The following CIDEA variants were observed in gnomAD, a reference collection of about 807,000 sequenced individuals.
The protein encoded by CIDEA is lipid transferase CIDEA.
CIDEA carries 10 observed loss-of-function variants against 18.2 expected under a neutral mutation model. The observed-to-expected ratio is 0.55, with a 90% CI of 0.34 to 0.93. The LOEUF is 0.93. Ranked by LOEUF, CIDEA falls within the 40% of genes least tolerant of loss-of-function variation. The pLI is 0.02. For synonymous variants in CIDEA, 128 were observed against 124.8 expected (o/e 1.03, Z -0.17); for missense variants, 309 against 293.1 (o/e 1.05, Z -0.40).
At chr18:12,255,931 C>T (rs1226956257) in intron 1 of CIDEA, among the ~76,000 whole-genome samples, 2 of 152,232 alleles carry the variant, frequency 1.3e-5, no homozygotes, top group African/African-American at 2.4e-5. Context: ...CAGCTTGGCT[C>T]ATCCCAGGAG....
chr18:12,258,779 G>T (rs958045743), intron 1 of CIDEA, among the ~76,000 whole-genome samples: 2 of 152,262 alleles, frequency 1.3e-5, no homozygotes, highest in African/African-American at 4.8e-5. Context: ...GAGTGGTAAG[G>T]CAAGGCGCTA....
chr18:12,264,486 T>G lies in CIDEA; in HGVS notation c.330+33T>G, dbSNP rs775341167. The G allele has an allele frequency of 1.9e-6, 3 of 1,582,030 alleles. No homozygotes were observed. The South Asian group carries it at 3.4e-5, about 18-fold the overall frequency. ...AAAACACTGTCACCCAAACAGCTACTGGGTAGACTTTTTACCTACAAATTT... is the reference window on the plus strand; with the variant it reads ...AAAACACTGTCACCCAAACAGCTACGGGGTAGACTTTTTACCTACAAATTT... On this transcript the variant is annotated intron_variant, in intron 3 of 4. Transcript: ENST00000320477.
chr18:12,274,298 C>T (rs146873899), intron 4 of CIDEA, 24 bp downstream of exon 4: 3 of 1,612,232 alleles, frequency 1.9e-6, no homozygotes, highest in Non-Finnish European at 2.5e-6. Context: ...GGGGTCACCT[C>T]CGGGGGTCTG....
At chr18:12,276,990 C>G in intron 4 of CIDEA, 133 bp from the exon 5 acceptor site, 1 of 965,522 alleles carries the variant, frequency 1.0e-6, no homozygotes, top group Non-Finnish European at 1.6e-6. Context: ...GAGAGTCAGA[C>G]AGCCATGCTC....
intron 3 of CIDEA, among the ~76,000 whole-genome samples, chr18:12,269,788 C>A (rs1912461929): frequency 6.6e-6 from 1 of 152,090 alleles, no homozygotes; most frequent in South Asian, 2.1e-4. Context: ...GCCTTCACCT[C>A]CTGGGCTCAA....
intron 3 of CIDEA, among the ~76,000 whole-genome samples, chr18:12,265,351 CGAA>C (rs1217260145): frequency 1.3e-5 from 2 of 152,248 alleles, no homozygotes; most frequent in African/African-American, 4.8e-5. Context: ...GAGAGGAACA[CGAA>C]CACTGAAGCT....
chr18:12,262,945 C>T lies in CIDEA; in HGVS notation c.159C>T (p.Ser53=). 6.2e-7 allele frequency: 1 copy of T among 1,614,150 alleles called. No individual in the cohort carries two copies. The highest frequency in any genetic ancestry group is 1.3e-5 in the African/African-American group (1 of 75,048). The part of the protein sequence containing the change: ...DRSSRRGVMA[S]SLQELISKTL... ...GCAGCCGGCGTGGGGTGATGGCAAG[C>T]AGCCTGCAGGAGCTCATCAGCAAGG... Residue 53 remains serine (S), a synonymous_variant, in exon 2 of 5, where the codon AGC becomes AGT. Transcript: ENST00000320477.
At chr18:12,256,194 C>G (rs747160956) in intron 1 of CIDEA, among the ~76,000 whole-genome samples, 2 of 152,212 alleles carry the variant, frequency 1.3e-5, no homozygotes, top group Non-Finnish European at 2.9e-5. Context: ...CTGCCCCTCT[C>G]TAAAACCCTG....
In CIDEA at chr18:12,270,894, C is replaced by CTTTTTTTT. The variant is rs771335202; in HGVS notation, c.331-3183_331-3176dup. Among the ~76,000 whole-genome samples the CTTTTTTTT allele has an allele frequency of 1.8e-3, 107 of 59,994 alleles. 1 individual carries two copies. Among genetic ancestry groups the CTTTTTTTT allele is most frequent in the East Asian group, 2.6e-3 (4 of 1,516 alleles). 39.4% of individuals were successfully genotyped at this position (59,994 alleles called of 152,430 possible). A position where few individuals can be genotyped will look rare whatever the true frequency, so the allele number is the denominator to read the frequency against. On this transcript the variant is annotated intron_variant, in intron 3 of 4. Transcript: ENST00000320477. ...TTTCTTTTCTTTTTCTTTTTCTTTT[C>CTTTTTTTT]TTTTTTTTTTTTTTTTTTTTTTTGA...
intron 1 of CIDEA, 53 bp from the exon 2 acceptor site, chr18:12,262,772 C>A: frequency 1.3e-6 from 2 of 1,536,396 alleles, no homozygotes; most frequent in East Asian, 2.3e-5. Context: ...TACTTTCACA[C>A]TTCTTCTGAC....
intron 1 of CIDEA, among the ~76,000 whole-genome samples, chr18:12,257,338 A>G (rs1454645916): frequency 6.6e-6 from 1 of 151,996 alleles, no homozygotes; most frequent in Non-Finnish European, 1.5e-5. Context: ...GCACTATTTT[A>G]CACAGCCTGT....
At chr18:12,276,182 C>T (rs1008131592) in intron 4 of CIDEA, among the ~76,000 whole-genome samples, 8 of 151,760 alleles carry the variant, frequency 5.3e-5, no homozygotes, top group African/African-American at 7.3e-5. Flanking sequence ...TTAATAGAGA[C>T]GGGGTTTCAC....
intron 3 of CIDEA, among the ~76,000 whole-genome samples, chr18:12,268,451 C>T (rs993066203): frequency 1.3e-5 from 2 of 149,950 alleles, no homozygotes; most frequent in African/African-American, 4.9e-5. Flanking sequence ...CTCTGGAGTG[C>T]AGTGGCACGA....
intron 4 of CIDEA, among the ~76,000 whole-genome samples, chr18:12,274,551 T>C (rs1912652378): frequency 6.6e-6 from 1 of 152,256 alleles, no homozygotes; most frequent in Admixed American, 6.5e-5. Flanking sequence ...ACATTCATTT[T>C]AAGAACTAGA....
In CIDEA at chr18:12,277,412, G is replaced by A. The variant is rs1905381648; in HGVS notation, c.*142G>A. 2 of 959,336 alleles carry A rather than the reference G, an allele frequency of 2.1e-6. No individual in the cohort carries two copies. Among genetic ancestry groups the A allele is most frequent in the South Asian group, 3.3e-5 (2 of 60,978 alleles). 59.4% of individuals were successfully genotyped at this position (959,336 alleles called of 1,614,324 possible). On this transcript the variant is annotated 3_prime_UTR_variant, in exon 5 of 5. Transcript: ENST00000320477. ...CTGCTCAGGAGTGGTGCCCAGAAAA[G>A]GAAAGGGCTTGGTGGTACATGAAGT...
chr18:12,254,480 C>G, intron 1 of CIDEA, 59 bp downstream of exon 1: 2 of 1,571,408 alleles, frequency 1.3e-6, no homozygotes, highest in Non-Finnish European at 1.7e-6. Context: ...CGTTCGGTGG[C>G]CTCATATTCC....
intron 4 of CIDEA, among the ~76,000 whole-genome samples, chr18:12,275,040 T>A (rs1167895962): frequency 6.6e-6 from 1 of 152,202 alleles, no homozygotes; most frequent in Non-Finnish European, 1.5e-5. Flanking sequence ...ATGAGAAGGT[T>A]GGTCAGGCAT....
rs112764938 is a variant in CIDEA at position 12,262,834 on chromosome 18, A to C, written c.48A>C (p.Thr16=). The C allele has an allele frequency of 1.9e-6, 3 of 1,613,132 alleles. No homozygotes were observed. The highest frequency in any genetic ancestry group is 2.2e-5 in the East Asian group (1 of 44,838). Residue 16 remains threonine, a synonymous_variant, in exon 2 of 5, where the codon ACA becomes ACC. Coordinates refer to ENST00000320477, the MANE Select transcript of CIDEA (RefSeq NM_001279.4). ...DYAGALIRPL[T]FMGSQTKRVL... Reference sequence around the variant, plus strand: ...TCACCTCCATTTTCAGGCCCCTGACATTTATGGGATCACAGACTAAGCGAG... The same window carrying C: ...TCACCTCCATTTTCAGGCCCCTGACCTTTATGGGATCACAGACTAAGCGAG...
chr18:12,268,347 T>G (rs182686132), intron 3 of CIDEA, among the ~76,000 whole-genome samples: 1 of 147,430 alleles, frequency 6.8e-6, no homozygotes, highest in African/African-American at 2.5e-5. Flanking sequence ...CCCAAAGTGC[T>G]AGGATTACAG....
Sources: gnomAD v4.1 joint callset for allele counts (sites outside exome capture counted in the v4.1 genomes callset) on GRCh38, gnomAD v4.1.1 for gene constraint, MANE v1.5 for transcripts, NCBI Gene and HGNC (gene_info 2026-07-23, HGNC 2026-07-21) for gene names.